NR6A1: variants seen among roughly 807,000 people sequenced by gnomAD.
The protein encoded by NR6A1 is nuclear receptor subfamily 6 group A member 1.
Under a neutral mutation model 59.1 loss-of-function variants are expected in NR6A1, and 7 were observed. The observed-to-expected ratio is 0.12, with a 90% CI of 0.07 to 0.22. The LOEUF (loss-of-function observed/expected upper bound fraction) is 0.22, where lower values mean the gene tolerates loss of function less well. NR6A1 is among the 10% of genes least tolerant of loss of function. NR6A1 has a pLI of 1.00. For missense variants in NR6A1, 468 were observed against 611.6 expected, an observed-to-expected ratio of 0.77 and a Z score of 2.48; for synonymous variants, 243 against 236.1, an observed-to-expected ratio of 1.03 and a Z score of -0.27.
chr9:124,743,668 AT>A (rs1405868505), intron 1 of NR6A1, among the ~76,000 whole-genome samples: 1 of 152,206 alleles, frequency 6.6e-6, no homozygotes, highest in Non-Finnish European at 1.5e-5. Flanking sequence ...AGATTATGAC[AT>A]TTCAATTTTA....
chr9:124,549,976 T>C (rs985885081), intron 3 of NR6A1, among the ~76,000 whole-genome samples: 1 of 152,214 alleles, frequency 6.6e-6, no homozygotes, highest in African/African-American at 2.4e-5. Flanking sequence ...GCTCAGTCTT[T>C]CCTTGTTTTT....
chr9:124,658,470 C>T (rs1244894657), intron 2 of NR6A1: 1 of 152,206 alleles, frequency 6.6e-6, no homozygotes, highest in Admixed American at 6.5e-5. Flanking sequence ...TTCAATACCT[C>T]GTCTAGCCTG....
intron 2 of NR6A1, chr9:124,595,898 C>T: frequency 2.0e-6 from 2 of 1,014,762 alleles, no homozygotes; most frequent in Non-Finnish European, 2.7e-6. Flanking sequence ...CGACAGTCAT[C>T]CTCACAGGTC....
chr9:124,670,608 T>C (rs1837764582), intron 2 of NR6A1, among the ~76,000 whole-genome samples: 1 of 152,192 alleles, frequency 6.6e-6, no homozygotes, highest in African/African-American at 2.4e-5. Flanking sequence ...TATGGTTCAC[T>C]GTCAACAAAT....
chr9:124,640,538 T>TAC (rs1308230082), intron 2 of NR6A1, among the ~76,000 whole-genome samples: 1 of 152,114 alleles, frequency 6.6e-6, no homozygotes, highest in Non-Finnish European at 1.5e-5. Flanking sequence ...TGGCTAGGGC[T>TAC]ACAGGAGTAT....
chr9:124,736,443 T>C (rs1403074605), intron 1 of NR6A1, among the ~76,000 whole-genome samples: 2 of 152,216 alleles, frequency 1.3e-5, no homozygotes, highest in Admixed American at 1.3e-4. Context: ...CACCCTGATT[T>C]TTCTTTGCAG....
intron 1 of NR6A1, among the ~76,000 whole-genome samples, chr9:124,752,308 GT>G (rs921659101): frequency 4.6e-5 from 7 of 151,576 alleles, no homozygotes; most frequent in Middle Eastern, 3.2e-3. Context: ...ATGACAATAG[GT>G]TTTTTTCTTA....
chr9:124,726,197 T>A (rs955789657), intron 2 of NR6A1, among the ~76,000 whole-genome samples: 1 of 152,148 alleles, frequency 6.6e-6, no homozygotes, highest in African/African-American at 2.4e-5. Context: ...CGTTGTTAAG[T>A]AGTGACTGTA....
rs969870878 is a variant in NR6A1, at chr9:124,518,246, A to G, written c.*4459T>C. The stretch of plus-strand genomic sequence containing the variant: ...GGGAACTGGGCTAGACAGAGGGACC[A>G]GGCTTCTATGAGCGGGGAGAGGCAG... On this transcript the variant is annotated 3_prime_UTR_variant, in exon 10 of 10. Transcript: ENST00000487099. 1 of 149,456 alleles carries G rather than the reference A, an allele frequency of 6.7e-6. No homozygotes were observed. Among genetic ancestry groups the G allele is most frequent in the Non-Finnish European group, 1.5e-5 (1 of 67,614 alleles). 9.3% of individuals were successfully genotyped at this position (149,456 alleles called of 1,614,324 possible).
At chr9:124,720,922 C>G (rs141772961) in intron 2 of NR6A1, among the ~76,000 whole-genome samples, 158 of 152,246 alleles carry the variant, frequency 1.0e-3, no homozygotes, top group Non-Finnish European at 2.0e-3. Flanking sequence ...GAAGAATTCC[C>G]ATGTATTCCC....
chr9:124,663,442 T>C (rs1837508321), intron 2 of NR6A1, among the ~76,000 whole-genome samples: 1 of 152,184 alleles, frequency 6.6e-6, no homozygotes, highest in Non-Finnish European at 1.5e-5. Flanking sequence ...CTGCCCCTTA[T>C]TTACTACAGG....
intron 2 of NR6A1, among the ~76,000 whole-genome samples, chr9:124,654,909 CA>C (rs1837211137): frequency 9.3e-5 from 14 of 150,256 alleles, no homozygotes; most frequent in Admixed American, 1.3e-4. Context: ...CACACACACA[CA>C]CACCTGCCAA....
chr9:124,697,054 A>G (rs1394357382), intron 2 of NR6A1, among the ~76,000 whole-genome samples: 1 of 152,234 alleles, frequency 6.6e-6, no homozygotes, highest in Non-Finnish European at 1.5e-5. Context: ...AAAGAAAGCA[A>G]AGAGTCAAGA....
chr9:124,521,524 T>G lies in NR6A1; in HGVS notation c.*1181A>C, dbSNP rs1832801540. 1 of 152,364 alleles carries G rather than the reference T, an allele frequency of 6.6e-6. No individual in the cohort carries two copies. The highest frequency in any genetic ancestry group is 1.5e-5 in the Non-Finnish European group (1 of 68,178). The allele number at this position is 152,364 out of a possible 1,614,324, so 9.4% of individuals were successfully genotyped here. ...AGAAAAGGAGAACTTGGAGAAGAAC[T>G]TAGGGGCAACATTTCTGGTCAGCAG... On this transcript the variant is annotated 3_prime_UTR_variant, in exon 10 of 10. Transcript: ENST00000487099.
chr9:124,525,288 C>CACAT (rs1474966167), intron 8 of NR6A1, among the ~76,000 whole-genome samples: 4 of 146,938 alleles, frequency 2.7e-5, no homozygotes, highest in Admixed American at 2.7e-4. Flanking sequence ...TTGTAAAACA[C>CACAT]ACACACACAC....
At chr9:124,723,064 A>G (rs1472055599) in intron 2 of NR6A1, among the ~76,000 whole-genome samples, 1 of 152,076 alleles carries the variant, frequency 6.6e-6, no homozygotes, top group Non-Finnish European at 1.5e-5. Flanking sequence ...ATATAGTGAC[A>G]TATACTATAT....
At chr9:124,682,286 G>C (rs1317034036) in intron 2 of NR6A1, among the ~76,000 whole-genome samples, 1 of 152,156 alleles carries the variant, frequency 6.6e-6, no homozygotes, top group Non-Finnish European at 1.5e-5. Context: ...ACAGGCATCA[G>C]CCATCGCGCC....
chr9:124,698,265 T>C (rs991063247), intron 2 of NR6A1: 1 of 152,222 alleles, frequency 6.6e-6, no homozygotes. Flanking sequence ...TCTTTCGCCT[T>C]TTAAATCATG....
rs548774751 is a variant in NR6A1, at chr9:124,522,641, C to T, written c.*64G>A. 1.8e-5 allele frequency: 25 copies of T among 1,370,594 alleles called. No homozygotes were observed. In the South Asian group the frequency reaches 2.4e-4, roughly 13 times the overall value. The allele number at this position is 1,370,594 out of a possible 1,614,324, so 84.9% of individuals were successfully genotyped here. A position where few individuals can be genotyped will look rare whatever the true frequency, so the allele number is the denominator to read the frequency against. On this transcript the variant is annotated 3_prime_UTR_variant, in exon 10 of 10. Transcript: ENST00000487099. ...CCATCTTGGTCTCTCTGGCTTTTCC[C>T]TCCAGAGCCTGTCCTGCCCACCCAA...
Sources: gnomAD v4.1 joint callset for allele counts (sites outside exome capture counted in the v4.1 genomes callset) on GRCh38, gnomAD v4.1.1 for gene constraint, MANE v1.5 for transcripts, NCBI Gene and HGNC (gene_info 2026-07-23, HGNC 2026-07-21) for gene names.